XPNPEP1: variants seen among roughly 807,000 people sequenced by gnomAD.
XPNPEP1 encodes X-prolyl aminopeptidase 1.
Under a neutral mutation model 92.4 loss-of-function variants are expected in XPNPEP1, and 39 were observed. That is an observed-to-expected ratio of 0.42 (90% confidence interval 0.33 to 0.55). The LOEUF is 0.55. Ranked by LOEUF, XPNPEP1 falls within the 20% of genes least tolerant of loss-of-function variation. The probability of loss-of-function intolerance (pLI) is 0.08; values close to 1 mark genes in which losing one functional copy is unlikely to be tolerated. For missense variants in XPNPEP1, 654 were observed against 856.1 expected (o/e 0.76, Z 2.95); for synonymous variants, 307 against 299.4 (o/e 1.03, Z -0.26).
In XPNPEP1 at chr10:109,873,340, C is replaced by T. The variant is rs754970866; in HGVS notation, c.1452+27G>A. ...CTCTTCTTAAGAAAGCAGAGAGGAC[C>T]TCTTGAGTTTTTTACCTCCACCTTA... On this transcript the variant is annotated intron_variant, in intron 16 of 20. Transcript: ENST00000502935. 5.6e-6 allele frequency: 9 copies of T among 1,613,602 alleles called. No homozygotes were observed. The African/African-American group carries it at 1.1e-4, about 19-fold the overall frequency.
At position 109,882,486 on chromosome 10, in the gene XPNPEP1, C is replaced by A. The variant is rs1414495772; in HGVS notation, c.987G>T (p.Glu329Asp). 7 of 1,614,206 alleles carry A rather than the reference C, an allele frequency of 4.3e-6. No homozygotes were observed. The South Asian group carries it at 7.7e-5, about 18-fold the overall frequency. The change falls in exon 10 of 21, where the codon GAG becomes GAT. Residue 329 changes from glutamate to aspartate, a missense_variant. Coordinates refer to ENST00000502935, the MANE Select transcript of XPNPEP1 (RefSeq NM_020383.4). The part of the protein sequence containing the change: ...KALCADLSPR[E>D]KVWVSDKASY... ...TGGCCTTGTCACTGACCCACACCTT[C>A]TCCCTTGGGGAGAGGTCAGCACACA...
intron 1 of XPNPEP1, among the ~76,000 whole-genome samples, chr10:109,920,382 CAAT>C (rs1447357926): frequency 1.3e-5 from 2 of 152,208 alleles, no homozygotes; most frequent in Admixed American, 6.5e-5. Flanking sequence ...AATTATATCT[CAAT>C]AAAGCCATTA....
chr10:109,865,417 G>A, intron 20 of XPNPEP1, 105 bp from the exon 21 acceptor site: 1 of 1,468,352 alleles, frequency 6.8e-7, no homozygotes, highest in Non-Finnish European at 9.4e-7. Context: ...CACAAGCTGA[G>A]AGAAAAGGTG....
chr10:109,907,585 C>G, intron 3 of XPNPEP1, 106 bp downstream of exon 3: 2 of 1,538,132 alleles, frequency 1.3e-6, no homozygotes, highest in Non-Finnish European at 1.8e-6. Context: ...CCTGGAAGGG[C>G]TTGGTTGTGG....
chr10:109,888,081 T>C lies in XPNPEP1; in HGVS notation c.620A>G (p.Lys207Arg), dbSNP rs370932957. The change falls in exon 7 of 21, where the codon AAG becomes AGG. Residue 207 changes from lysine to arginine, a missense_variant. Lys to Arg is a conservative substitution (Grantham distance 26). Coordinates refer to ENST00000502935, the MANE Select transcript of XPNPEP1 (RefSeq NM_020383.4). ...IWTDRPERPC[K>R]PLLTLGLDYT... ...ATCCAGGCCCAGTGTGAGGAGAGGC[T>C]TGCAAGGGCGCTCAGGACGGTCTGT... 134 of 1,613,942 alleles carry C rather than the reference T, an allele frequency of 8.3e-5. No homozygotes were observed. The highest frequency in any genetic ancestry group is 5.0e-4 in the Middle Eastern group (3 of 6,044).
At chr10:109,883,409 T>A (rs1848215360) in intron 9 of XPNPEP1, among the ~76,000 whole-genome samples, 1 of 152,044 alleles carries the variant, frequency 6.6e-6, no homozygotes. Flanking sequence ...GATCTCCAAG[T>A]CTAGGTCAGG....
At chr10:109,870,989 C>T in intron 17 of XPNPEP1, 85 bp from the exon 18 acceptor site, 1 of 1,473,044 alleles carries the variant, frequency 6.8e-7, no homozygotes, top group Non-Finnish European at 9.1e-7. Context: ...GAACGTGAAA[C>T]AGAAACCAAT....
chr10:109,869,221 A>G (rs765632818), intron 19 of XPNPEP1, among the ~76,000 whole-genome samples: 2 of 152,256 alleles, frequency 1.3e-5, no homozygotes, highest in Non-Finnish European at 2.9e-5. Context: ...ATGGGAGGTC[A>G]CTTCCAAGAA....
intron 2 of XPNPEP1, among the ~76,000 whole-genome samples, chr10:109,912,196 C>T (rs1045539521): frequency 6.6e-6 from 1 of 152,132 alleles, no homozygotes; most frequent in Non-Finnish European, 1.5e-5. Flanking sequence ...TGCTACCTAC[C>T]CCCATCAACA....
At chr10:109,877,638 A>T (rs372472487) in intron 14 of XPNPEP1, 152 bp downstream of exon 14, 1 of 976,802 alleles carries the variant, frequency 1.0e-6, no homozygotes, top group African/African-American at 1.6e-5. Flanking sequence ...GAGAAAATAA[A>T]ATCTTAGAAG....
At chr10:109,871,657 T>C (rs889071365) in intron 17 of XPNPEP1, 135 bp downstream of exon 17, 5 of 992,426 alleles carry the variant, frequency 5.0e-6, no homozygotes, top group African/African-American at 4.9e-5. Context: ...ACTCACCCCA[T>C]GAGCACCTGG....
rs1284063872 is a variant in XPNPEP1, at chr10:109,867,003, C to T, written c.1872+1611G>A. On this transcript the variant is annotated intron_variant, in intron 20 of 20. Transcript: ENST00000502935. This position sits in a 1 kb window ranked among gnomAD's most constrained non-coding sequence, Gnocchi z 4.5. ...TACTTCCCTGGATAAAGGGGAATGT[C>T]ATATGGGAGAAATGCCTCCTGATGG... Among the ~76,000 whole-genome samples, 1 of 152,188 alleles carries T rather than the reference C, an allele frequency of 6.6e-6. No individual in the cohort carries two copies. Among genetic ancestry groups the T allele is most frequent in the African/African-American group, 2.4e-5 (1 of 41,458 alleles).
At position 109,907,859 on chromosome 10, in the gene XPNPEP1, G is replaced by A. The variant is rs575642022; in HGVS notation, c.122-44C>T. ...AAATTTCAAAACCAGCCTGCCCCCA[G>A]CAATTCAACGTCCAGTTCGAAGTGG... On this transcript the variant is annotated intron_variant, in intron 2 of 20. Transcript: ENST00000502935. The A allele has an allele frequency of 5.0e-6, 8 of 1,610,190 alleles. No homozygotes were observed. In the Admixed American group the frequency reaches 1.3e-4, roughly 27 times the overall value.
chr10:109,913,108 G>C (rs1430957792), intron 2 of XPNPEP1, among the ~76,000 whole-genome samples: 1 of 152,216 alleles, frequency 6.6e-6, no homozygotes. Context: ...TACACTGCCA[G>C]GTATTTTCAA....
chr10:109,920,177 G>A (rs952076863), intron 1 of XPNPEP1, among the ~76,000 whole-genome samples: 2 of 152,156 alleles, frequency 1.3e-5, no homozygotes, highest in African/African-American at 2.4e-5. Context: ...TAGGCAAATC[G>A]GTAAAGACAG....
At chr10:109,885,443 T>C (rs970615616) in intron 8 of XPNPEP1, among the ~76,000 whole-genome samples, 44 of 152,370 alleles carry the variant, frequency 2.9e-4, no homozygotes, top group African/African-American at 1.0e-3. Context: ...TGGGATTGTG[T>C]TTTTGTTACA....
At chr10:109,865,916 G>A (rs948526644) in intron 20 of XPNPEP1, among the ~76,000 whole-genome samples, 1 of 152,212 alleles carries the variant, frequency 6.6e-6, no homozygotes, top group Non-Finnish European at 1.5e-5. Flanking sequence ...AAAAGAGAGT[G>A]AAAGGAAGGA....
intron 10 of XPNPEP1, 71 bp downstream of exon 10, chr10:109,882,361 T>C (rs1848147828): frequency 1.9e-6 from 3 of 1,544,028 alleles, no homozygotes; most frequent in Non-Finnish European, 1.8e-6. Context: ...AATCTGCCTG[T>C]GCTCCAAAGA....
intron 3 of XPNPEP1, among the ~76,000 whole-genome samples, chr10:109,895,419 G>T (rs1458597774): frequency 6.6e-6 from 1 of 152,278 alleles, no homozygotes; most frequent in Non-Finnish European, 1.5e-5. Context: ...CAAGGAAAGA[G>T]TTCCTCCAAA....
Sources: gnomAD v4.1 joint callset for allele counts (sites outside exome capture counted in the v4.1 genomes callset) on GRCh38, gnomAD v4.1.1 for gene constraint, Gnocchi (gnomAD v3.1) non-coding constraint, MANE v1.5 for transcripts, NCBI Gene and HGNC (gene_info 2026-07-23, HGNC 2026-07-21) for gene names.